Variants in FAM120A observed in about 807,000 individuals in gnomAD.
FAM120A encodes constitutive coactivator of PPAR-gamma-like protein 1.
FAM120A carries 15 observed loss-of-function variants against 109.7 expected under a neutral mutation model. That is an observed-to-expected ratio of 0.14 (90% confidence interval 0.09 to 0.21). The LOEUF is 0.21. FAM120A is among the 10% of genes least tolerant of loss of function. The pLI, the probability that FAM120A is intolerant of heterozygous loss-of-function variation, is 1.00. For missense variants in FAM120A, 899 were observed against 1,439.3 expected, an observed-to-expected ratio of 0.62 and a Z score of 6.07; for synonymous variants, 493 against 572.8, an observed-to-expected ratio of 0.86 and a Z score of 1.99.
chr9:93,554,126 C>T (rs1208359900), intron 12 of FAM120A, among the ~76,000 whole-genome samples: 1 of 110,088 alleles, frequency 9.1e-6, no homozygotes, highest in Non-Finnish European at 1.7e-5. Flanking sequence ...TTGATACACA[C>T]ACACACACAC....
intron 7 of FAM120A, among the ~76,000 whole-genome samples, 169 bp from the exon 8 acceptor site, chr9:93,526,986 C>A (rs771418606): frequency 6.6e-6 from 1 of 152,102 alleles, no homozygotes; most frequent in Non-Finnish European, 1.5e-5. Context: ...TATCACCTAC[C>A]CTTTTGAAGC....
intron 12 of FAM120A, 31 bp downstream of exon 12, chr9:93,550,722 G>C: frequency 6.4e-7 from 1 of 1,561,076 alleles, no homozygotes. Flanking sequence ...CATTGTCTTG[G>C]ACAGTCTCAC....
intron 8 of FAM120A, 69 bp downstream of exon 8, chr9:93,527,311 C>G: frequency 9.2e-7 from 1 of 1,090,938 alleles, no homozygotes; most frequent in Non-Finnish European, 1.4e-6. Flanking sequence ...TATTAGTGAT[C>G]AAATAGTGAA....
At chr9:93,477,160 A>G (rs1440780974) in intron 3 of FAM120A, among the ~76,000 whole-genome samples, 1 of 152,194 alleles carries the variant, frequency 6.6e-6, no homozygotes, top group African/African-American at 2.4e-5. Flanking sequence ...GAAGGGCTGT[A>G]AAATTTTGAA....
chr9:93,515,177 A>G (rs977670242), intron 5 of FAM120A, among the ~76,000 whole-genome samples: 7 of 152,290 alleles, frequency 4.6e-5, no homozygotes, highest in Non-Finnish European at 1.0e-4. Flanking sequence ...TTAGCTGAGA[A>G]CCTAATGGTA....
Position 93,558,700 on chromosome 9 carries a change from A to G in FAM120A, c.2788A>G (p.Thr930Ala). Reference protein sequence around the residue: ...GAFSGSDSSRTSKSQGGVQPI... With the variant: ...GAFSGSDSSRASKSQGGVQPI... ...CTTCTCAGGCAGTGACAGCAGCAGG[A>G]CTAGCAAGTCCCAGGGCGGTAATTA... Residue 930 changes from threonine (T) to alanine (A), a missense_variant, in exon 15 of 18, where the codon ACT becomes GCT. This residue lies in a region of FAM120A where 129 missense variants were observed against 153.4 expected (regional missense o/e 0.84). Transcript: ENST00000277165. 2 of 1,614,038 alleles carry G rather than the reference A, an allele frequency of 1.2e-6. No homozygotes were observed. The highest frequency in any genetic ancestry group is 3.3e-5 in the Admixed American group (2 of 60,030).
intron 11 of FAM120A, among the ~76,000 whole-genome samples, chr9:93,548,906 G>T (rs1861993662): frequency 6.6e-6 from 1 of 152,066 alleles, no homozygotes. Flanking sequence ...AGCCAGGTGG[G>T]GTGGCGTGTG....
rs1325461239 is a variant in FAM120A, at chr9:93,556,690, C to T, written c.2484+99C>T. Reference sequence around the variant, plus strand: ...ATACCATATTTATCATCCTGTGTTTCAAGATTCTGTTTTAGGTTGGGCCTG... The same window carrying T: ...ATACCATATTTATCATCCTGTGTTTTAAGATTCTGTTTTAGGTTGGGCCTG... On this transcript the variant is annotated intron_variant, in intron 13 of 17. Coordinates refer to ENST00000277165, the MANE Select transcript of FAM120A (RefSeq NM_014612.5). 3.9e-6 allele frequency: 5 copies of T among 1,277,406 alleles called. No homozygotes were observed. In the Admixed American group the frequency reaches 9.3e-5, roughly 24 times the overall value. 79.1% of individuals were successfully genotyped at this position (1,277,406 alleles called of 1,614,324 possible).
At chr9:93,467,256 C>CT (rs1858081642) in intron 1 of FAM120A, among the ~76,000 whole-genome samples, 5 of 113,570 alleles carry the variant, frequency 4.4e-5, no homozygotes, top group Admixed American at 1.7e-4. Flanking sequence ...ACCCCCCCCC[C>CT]CCTTTTCCCC....
rs1857690414 is a variant in FAM120A at position 93,459,411 on chromosome 9, TTTTG to T, written c.474+7026_474+7029del. 3.9e-5 allele frequency among the ~76,000 whole-genome samples: 6 copies of T among 152,284 alleles called. No homozygotes were observed. The South Asian group carries it at 1.2e-3, about 32-fold the overall frequency. On this transcript the variant is annotated intron_variant, in intron 1 of 17. Transcript: ENST00000277165. ...ATCAATGGCCATTACTTAAGTTTTG[TTTTG>T]TTTTTTTAATCTTAAATTTCTCATA...
At chr9:93,546,295 C>T (rs890345726) in intron 11 of FAM120A, among the ~76,000 whole-genome samples, 1 of 152,146 alleles carries the variant, frequency 6.6e-6, no homozygotes. Flanking sequence ...TTTAATCTAG[C>T]AGAGCACCTG....
chr9:93,485,903 T>C (rs1859026161), intron 3 of FAM120A, among the ~76,000 whole-genome samples: 1 of 152,222 alleles, frequency 6.6e-6, no homozygotes. Flanking sequence ...GGTCTTTATG[T>C]CTGTCTTCTT....
At chr9:93,553,341 A>G (rs769426634) in intron 12 of FAM120A, among the ~76,000 whole-genome samples, 4 of 152,232 alleles carry the variant, frequency 2.6e-5, no homozygotes, top group Non-Finnish European at 5.9e-5. Flanking sequence ...ACAGTTTCAC[A>G]TGCCAAGTGC....
chr9:93,542,514 T>C (rs1040858410), intron 10 of FAM120A, among the ~76,000 whole-genome samples: 1 of 152,250 alleles, frequency 6.6e-6, no homozygotes, highest in African/African-American at 2.4e-5. Context: ...CATCTGTGGA[T>C]AAAAGGTATT....
chr9:93,484,572 T>TTTA (rs1187662150), intron 3 of FAM120A, among the ~76,000 whole-genome samples: 4 of 152,020 alleles, frequency 2.6e-5, no homozygotes, highest in South Asian at 2.1e-4. Context: ...CTAACTGTGC[T>TTTA]TTATTATTAT....
At chr9:93,491,185 G>A (rs1479784070) in intron 3 of FAM120A, among the ~76,000 whole-genome samples, 1 of 152,200 alleles carries the variant, frequency 6.6e-6, no homozygotes, top group Non-Finnish European at 1.5e-5. Flanking sequence ...GTGTGGCCAG[G>A]CTGGTGCCCA....
intron 17 of FAM120A, 23 bp downstream of exon 17, chr9:93,562,327 G>T: frequency 5.0e-6 from 8 of 1,590,934 alleles, no homozygotes; most frequent in South Asian, 1.1e-5. Context: ...CATGATGTTT[G>T]TGCCAGTTCA....
At position 93,469,157 on chromosome 9, in the gene FAM120A, C is replaced by A. The variant is rs149208300; in HGVS notation, c.475-1984C>A. On this transcript the variant is annotated intron_variant, in intron 1 of 17. Coordinates refer to ENST00000277165, the MANE Select transcript of FAM120A (RefSeq NM_014612.5). ...TCTTGTGAGATGGCTTTGCTTCCACCGTGGGCCAGCAGCCCCTTCTCACCC... is the reference window on the plus strand; with the variant it reads ...TCTTGTGAGATGGCTTTGCTTCCACAGTGGGCCAGCAGCCCCTTCTCACCC... 7.9e-5 allele frequency among the ~76,000 whole-genome samples: 12 copies of A among 152,312 alleles called. 1 individual carries two copies. The East Asian group carries it at 2.1e-3, about 27-fold the overall frequency.
At chr9:93,496,966 A>G (rs1422074419) in intron 3 of FAM120A, among the ~76,000 whole-genome samples, 2 of 152,186 alleles carry the variant, frequency 1.3e-5, no homozygotes, top group African/African-American at 4.8e-5. Context: ...TTGGCCTTTG[A>G]AGGTGGATTC....
Sources: allele counts gnomAD v4.1 joint callset (sites outside exome capture counted in the v4.1 genomes callset), GRCh38; gene constraint gnomAD v4.1.1; regional missense constraint gnomAD v4.1.1; transcripts MANE v1.5; gene names NCBI Gene and HGNC (gene_info 2026-07-23, HGNC 2026-07-21).